The following HACL2 variants were observed in gnomAD, a reference collection of about 807,000 sequenced individuals.
The protein encoded by HACL2 is 2-hydroxyacyl-CoA lyase 1 like.
chr19:15,125,196 C>G, the HACL2 span: 1 of 925,460 alleles, frequency 1.1e-6, no homozygotes, highest in Non-Finnish European at 1.6e-6. Flanking sequence ...CGGCCACGCC[C>G]CCAACCCTGC....
At chr19:15,122,380 G>A in the HACL2 span, among the ~76,000 whole-genome samples, 1 of 152,106 alleles carries the variant, frequency 6.6e-6, no homozygotes, top group East Asian at 1.9e-4. The surrounding 1 kb of genome is among the most constrained non-coding windows in gnomAD (Gnocchi z 4.0). Context: ...AGGAGAAGAG[G>A]AAGGAAGAGG....
the HACL2 span, chr19:15,115,574 G>T: frequency 6.2e-7 from 1 of 1,612,836 alleles, no homozygotes; most frequent in African/African-American, 1.3e-5. Flanking sequence ...ACCAGTGTAG[G>T]CCAGGCCACA....
chr19:15,118,655 G>A, the HACL2 span, among the ~76,000 whole-genome samples: 143 of 152,076 alleles, frequency 9.4e-4, no homozygotes, highest in Non-Finnish European at 1.7e-3. Context: ...TTGAATAACC[G>A]CACTCTCCTA....
At chr19:15,116,615 C>T in the HACL2 span, 1 of 998,764 alleles carries the variant, frequency 1.0e-6, no homozygotes, top group Non-Finnish European at 1.5e-6. Flanking sequence ...CCAGCAGCAG[C>T]ATCCGAGCAG....
At chr19:15,118,532 C>G in the HACL2 span, among the ~76,000 whole-genome samples, 469 of 152,242 alleles carry the variant, frequency 3.1e-3, 3 homozygotes, top group Non-Finnish European at 4.8e-3. Flanking sequence ...CCTCCAACAG[C>G]TGGCGTCAAT....
At chr19:15,124,778 G>A in the HACL2 span, 3 of 1,090,120 alleles carry the variant, frequency 2.8e-6, no homozygotes, top group South Asian at 3.3e-5. Context: ...AATGGAGACA[G>A]GGCCCTGGAC....
chr19:15,115,312 C>T, the HACL2 span: 49 of 1,614,064 alleles, frequency 3.0e-5, no homozygotes, highest in African/African-American at 2.0e-4. Flanking sequence ...TGACCACAAC[C>T]GGGTGGCCGT....
chr19:15,123,632 G>A, the HACL2 span: 1 of 1,532,568 alleles, frequency 6.5e-7, no homozygotes, highest in Non-Finnish European at 9.0e-7. This position sits in a 1 kb window ranked among gnomAD's most constrained non-coding sequence, Gnocchi z 5.1. Context: ...GAGGGCAGCT[G>A]GGAAAGGGGG....
At chr19:15,125,183 G>A in the HACL2 span, 1 of 1,053,570 alleles carries the variant, frequency 9.5e-7, no homozygotes. Context: ...GCCAGTTTCT[G>A]TGCGGCCACG....
At chr19:15,116,272 G>GC in the HACL2 span, 1 of 1,614,018 alleles carries the variant, frequency 6.2e-7, no homozygotes, top group Non-Finnish European at 8.5e-7. Context: ...ACCAGCTGCA[G>GC]CACCTGCACT....
chr19:15,120,168 G>A, the HACL2 span: 1 of 849,510 alleles, frequency 1.2e-6, no homozygotes, highest in Non-Finnish European at 1.9e-6. Context: ...GGGGCCGGGA[G>A]AAAAGCCAGG....
chr19:15,118,613 T>C, the HACL2 span, among the ~76,000 whole-genome samples: 1 of 152,112 alleles, frequency 6.6e-6, no homozygotes, highest in Non-Finnish European at 1.5e-5. Context: ...CAGACTCTAC[T>C]TCAAGAAGCC....
the HACL2 span, chr19:15,123,582 C>A: frequency 6.2e-7 from 1 of 1,613,582 alleles, no homozygotes; most frequent in Admixed American, 1.7e-5. This position sits in a 1 kb window ranked among gnomAD's most constrained non-coding sequence, Gnocchi z 5.1. Flanking sequence ...TCCACCTGGG[C>A]CCAAGGACAG....
chr19:15,117,866 G>GA, the HACL2 span: 1 of 1,613,794 alleles, frequency 6.2e-7, no homozygotes, highest in Non-Finnish European at 8.5e-7. Flanking sequence ...TGTACGGGGG[G>GA]ATTAAGGGGC....
chr19:15,123,807 G>C, the HACL2 span: 5 of 574,478 alleles, frequency 8.7e-6, no homozygotes, highest in East Asian at 2.8e-5. The surrounding 1 kb of genome is among the most constrained non-coding windows in gnomAD (Gnocchi z 5.1). Flanking sequence ...GGACATCAAG[G>C]CTTGCCCAAG....
chr19:15,122,885 C>T, the HACL2 span: 1 of 1,611,696 alleles, frequency 6.2e-7, no homozygotes, highest in Non-Finnish European at 8.5e-7. This position sits in a 1 kb window ranked among gnomAD's most constrained non-coding sequence, Gnocchi z 4.0. Context: ...CACCATCCTC[C>T]ACCTACCTGG....
At chr19:15,123,044 A>T in the HACL2 span, 1 of 1,607,198 alleles carries the variant, frequency 6.2e-7, no homozygotes, top group Non-Finnish European at 8.5e-7. The surrounding 1 kb of genome is among the most constrained non-coding windows in gnomAD (Gnocchi z 5.1). Flanking sequence ...GCAAAGACAG[A>T]GGTGTGGCAG....
the HACL2 span, chr19:15,116,385 C>G: frequency 1.2e-6 from 2 of 1,613,944 alleles, no homozygotes; most frequent in South Asian, 1.1e-5. Context: ...CCCCTTCCCA[C>G]ATCCACTCCA....
the HACL2 span, chr19:15,123,061 C>G: frequency 6.2e-7 from 1 of 1,608,836 alleles, no homozygotes; most frequent in East Asian, 2.2e-5. This position sits in a 1 kb window ranked among gnomAD's most constrained non-coding sequence, Gnocchi z 5.1. Flanking sequence ...GCAGGGTTAT[C>G]GCATGAGCCC....
Sources: allele counts gnomAD v4.1 joint callset (sites outside exome capture counted in the v4.1 genomes callset), GRCh38; gene constraint gnomAD v4.1.1; non-coding constraint Gnocchi (gnomAD v3.1); transcripts MANE v1.5; gene names NCBI Gene and HGNC (gene_info 2026-07-23, HGNC 2026-07-21).